The following GALNTL6 variants were observed in gnomAD, a reference collection of about 807,000 sequenced individuals.
The protein encoded by GALNTL6 is polypeptide N-acetylgalactosaminyltransferase like 6, also known as polypeptide N-acetylgalactosaminyltransferase-like 6.
In GALNTL6, 46 loss-of-function variants were observed where a neutral mutation model predicts 73.7. That is an observed-to-expected ratio of 0.62 (90% CI 0.49 to 0.80). GALNTL6 has a LOEUF of 0.80. GALNTL6 is among the 30% of genes least tolerant of loss of function. The pLI, the probability that GALNTL6 is intolerant of heterozygous loss-of-function variation, is 0.00. For missense variants in GALNTL6, 604 were observed against 755.0 expected, an observed-to-expected ratio of 0.80 and a Z score of 2.34; for synonymous variants, 259 against 263.7, an observed-to-expected ratio of 0.98 and a Z score of 0.17.
chr4:172,055,388 T>C (rs1024357443), intron 2 of GALNTL6, among the ~76,000 whole-genome samples: 10 of 152,134 alleles, frequency 6.6e-5, no homozygotes, highest in African/African-American at 2.4e-4. Context: ...TTCCAACAAT[T>C]TTCTTGAAGT....
chr4:172,430,551 A>G (rs1262288323), intron 5 of GALNTL6, among the ~76,000 whole-genome samples: 1 of 152,202 alleles, frequency 6.6e-6, no homozygotes, highest in African/African-American at 2.4e-5. Flanking sequence ...GTCAGCATAC[A>G]TTATTATCTT....
At chr4:172,207,034 A>T (rs28690111) in intron 2 of GALNTL6, among the ~76,000 whole-genome samples, 1 of 150,418 alleles carries the variant, frequency 6.6e-6, no homozygotes, top group African/African-American at 2.4e-5. Flanking sequence ...AGCCAGGATG[A>T]TCTCAATCTC....
At chr4:172,289,045 A>G (rs964468299) in intron 3 of GALNTL6, among the ~76,000 whole-genome samples, 1 of 152,122 alleles carries the variant, frequency 6.6e-6, no homozygotes, top group Non-Finnish European at 1.5e-5. Flanking sequence ...TCTTTCATAA[A>G]TATTTGAATC....
chr4:172,523,282 A>G (rs756272562), intron 5 of GALNTL6, among the ~76,000 whole-genome samples: 4 of 152,186 alleles, frequency 2.6e-5, no homozygotes, highest in Non-Finnish European at 4.4e-5. Flanking sequence ...GTTTTAAATG[A>G]CACCACTCTG....
At chr4:172,570,360 A>C (rs1285730239) in intron 5 of GALNTL6, among the ~76,000 whole-genome samples, 1 of 152,172 alleles carries the variant, frequency 6.6e-6, no homozygotes, top group African/African-American at 2.4e-5. Context: ...ATTAAAAGTG[A>C]TTTGATTCCC....
intron 10 of GALNTL6, among the ~76,000 whole-genome samples, chr4:172,985,176 G>A (rs920228098): frequency 6.6e-6 from 1 of 152,084 alleles, no homozygotes; most frequent in East Asian, 1.9e-4. Flanking sequence ...AGATTTGAGA[G>A]AGAAATGAAC....
At chr4:172,066,147 C>T (rs890355854) in intron 2 of GALNTL6, among the ~76,000 whole-genome samples, 4 of 152,126 alleles carry the variant, frequency 2.6e-5, no homozygotes, top group African/African-American at 9.7e-5. Context: ...TGATGTTGTG[C>T]ATTCTATGGG....
At position 172,385,083 on chromosome 4, in the gene GALNTL6, G is replaced by A. The variant is rs544814100; in HGVS notation, c.553+36394G>A. 3.3e-4 allele frequency among the ~76,000 whole-genome samples: 47 copies of A among 143,640 alleles called. No homozygotes were observed. The South Asian group carries it at 9.2e-3, about 28-fold the overall frequency. 94.2% of individuals were successfully genotyped at this position (143,640 alleles called of 152,430 possible). On this transcript the variant is annotated intron_variant, in intron 5 of 12. Coordinates refer to ENST00000506823, the MANE Select transcript of GALNTL6 (RefSeq NM_001034845.3). ...GAAGTGTGTTCTTTAATTTTCATAC[G>A]TTTCAATTTTCTAATTATTCTTCTG...
intron 5 of GALNTL6, among the ~76,000 whole-genome samples, chr4:172,472,947 T>G (rs1733103739): frequency 6.6e-6 from 1 of 152,196 alleles, no homozygotes; most frequent in African/African-American, 2.4e-5. Flanking sequence ...TTTAGCGTTT[T>G]TGCTAAAGGC....
chr4:172,201,177 G>GTT (rs572212018), intron 2 of GALNTL6, among the ~76,000 whole-genome samples: 7 of 143,318 alleles, frequency 4.9e-5, no homozygotes, highest in African/African-American at 1.8e-4. Flanking sequence ...GTTGGGAGTT[G>GTT]TTTTTTTTTT....
At chr4:172,626,832 T>C (rs924486106) in intron 5 of GALNTL6, among the ~76,000 whole-genome samples, 11 of 152,176 alleles carry the variant, frequency 7.2e-5, no homozygotes, top group African/African-American at 2.7e-4. Context: ...CTAATTTTTA[T>C]AAATTTATTT....
intron 5 of GALNTL6, among the ~76,000 whole-genome samples, chr4:172,765,312 T>C (rs1429169073): frequency 6.6e-6 from 1 of 152,202 alleles, no homozygotes; most frequent in Non-Finnish European, 1.5e-5. Context: ...TTGACCTTTT[T>C]ATAAAAGTGA....
chr4:172,350,355 T>G (rs1483956433), intron 5 of GALNTL6, among the ~76,000 whole-genome samples: 1 of 152,294 alleles, frequency 6.6e-6, no homozygotes, highest in East Asian at 1.9e-4. Flanking sequence ...TTGAAAAGGT[T>G]GAAAATACTG....
At chr4:172,379,297 G>T (rs12649454) in intron 5 of GALNTL6, among the ~76,000 whole-genome samples, 1 of 151,930 alleles carries the variant, frequency 6.6e-6, no homozygotes, top group Non-Finnish European at 1.5e-5. Flanking sequence ...TTGGGAGGCC[G>T]AGGCGGGTGG....
intron 5 of GALNTL6, among the ~76,000 whole-genome samples, chr4:172,452,854 T>C (rs548551563): frequency 7.0e-4 from 106 of 152,288 alleles, no homozygotes; most frequent in African/African-American, 2.4e-3. Flanking sequence ...AAAAAGAATA[T>C]TAAGAAAAGC....
At chr4:172,267,066 T>C (rs1270565720) in intron 3 of GALNTL6, among the ~76,000 whole-genome samples, 1 of 152,148 alleles carries the variant, frequency 6.6e-6, no homozygotes, top group Non-Finnish European at 1.5e-5. Flanking sequence ...AAAACAGTGA[T>C]AGAAAACAAT....
chr4:171,943,181 A>G (rs1217031116), intron 2 of GALNTL6, among the ~76,000 whole-genome samples: 1 of 152,226 alleles, frequency 6.6e-6, no homozygotes, highest in African/African-American at 2.4e-5. Context: ...AGTTTCTACA[A>G]TGTCCAAAAT....
At chr4:172,467,855 T>TTTCTTTCTTTCTTTCC (rs1554027356) in intron 5 of GALNTL6, among the ~76,000 whole-genome samples, 35 of 139,036 alleles carry the variant, frequency 2.5e-4, no homozygotes, top group African/African-American at 8.7e-4. Context: ...TCTTTCTTTC[T>TTTCTTTCTTTCTTTCC]TTCTTTCTTT....
intron 2 of GALNTL6, among the ~76,000 whole-genome samples, chr4:172,131,033 T>A (rs1416930291): frequency 6.6e-6 from 1 of 151,962 alleles, no homozygotes; most frequent in Admixed American, 6.6e-5. Context: ...ATGAGTAAAC[T>A]TTTTTATTTG....
Sources: allele counts gnomAD v4.1 joint callset (sites outside exome capture counted in the v4.1 genomes callset), GRCh38; gene constraint gnomAD v4.1.1; transcripts MANE v1.5; gene names NCBI Gene and HGNC (gene_info 2026-07-23, HGNC 2026-07-21).